The following ABCC1 variants were observed in gnomAD, a reference collection of about 807,000 sequenced individuals.
The protein encoded by ABCC1 is multidrug resistance-associated protein 1.
In ABCC1, 83 loss-of-function variants were observed where a neutral mutation model predicts 172.9. The ratio of observed to expected loss-of-function variants is 0.48; its 90% CI spans 0.40 to 0.58. ABCC1 has a LOEUF of 0.58. Among genes scored for constraint, ABCC1 ranks in the 20% least tolerant of loss-of-function variants. The pLI is 0.00. For synonymous variants in ABCC1, 937 were observed against 825.2 expected, an observed-to-expected ratio of 1.14 and a Z score of -2.32; for missense variants, 1,817 against 2,002.7, an observed-to-expected ratio of 0.91 and a Z score of 1.77.
At chr16:16,080,611 G>T (rs2050768866) in intron 16 of ABCC1, among the ~76,000 whole-genome samples, 1 of 152,148 alleles carries the variant, frequency 6.6e-6, no homozygotes, top group Non-Finnish European at 1.5e-5. Context: ...CATCTTGCAG[G>T]ACATTTGGGC....
At chr16:16,010,725 CACA>C (rs1482745867) in intron 3 of ABCC1, among the ~76,000 whole-genome samples, 3 of 152,146 alleles carry the variant, frequency 2.0e-5, no homozygotes, top group Non-Finnish European at 4.4e-5. Context: ...ATTGAATTTT[CACA>C]ACAACCCTGT....
intron 1 of ABCC1, among the ~76,000 whole-genome samples, chr16:15,966,651 C>CCT (rs1555472846): frequency 2.2e-5 from 3 of 138,654 alleles, no homozygotes; most frequent in East Asian, 4.3e-4. Flanking sequence ...TTCTCTCTCT[C>CCT]TTTTTTTTTT....
At chr16:15,992,858 C>G (rs563033912) in intron 1 of ABCC1, among the ~76,000 whole-genome samples, 1 of 152,192 alleles carries the variant, frequency 6.6e-6, no homozygotes, top group Non-Finnish European at 1.5e-5. Context: ...CCCGCCCAAT[C>G]TTGGGTCCTA....
chr16:16,054,034 G>A (rs939080764), intron 11 of ABCC1, among the ~76,000 whole-genome samples: 4 of 151,470 alleles, frequency 2.6e-5, no homozygotes, highest in Admixed American at 2.0e-4. Flanking sequence ...GAGTGCAGTC[G>A]TACGATCTTG....
At chr16:16,006,403 G>C (rs549248228) in intron 1 of ABCC1, among the ~76,000 whole-genome samples, 5 of 149,852 alleles carry the variant, frequency 3.3e-5, no homozygotes, top group African/African-American at 1.2e-4. Flanking sequence ...GGGCAACAGA[G>C]CAAGACCTCA....
intron 5 of ABCC1, among the ~76,000 whole-genome samples, chr16:16,031,213 C>A (rs1375082146): frequency 6.6e-6 from 1 of 152,158 alleles, no homozygotes; most frequent in African/African-American, 2.4e-5. Flanking sequence ...CGAGAGTATG[C>A]CACCTTATCG....
At chr16:16,117,011 G>A (rs561278341) in intron 23 of ABCC1, among the ~76,000 whole-genome samples, 43 of 152,278 alleles carry the variant, frequency 2.8e-4, no homozygotes, top group Non-Finnish European at 4.7e-4. Flanking sequence ...GATTCACACC[G>A]CGGATGGGAC....
intron 1 of ABCC1, among the ~76,000 whole-genome samples, chr16:16,002,677 TG>T (rs1035396932): frequency 5.3e-5 from 8 of 149,856 alleles, no homozygotes; most frequent in African/African-American, 2.0e-4. Context: ...GAGGCTGAGG[TG>T]GGAGGATTGC....
intron 21 of ABCC1, among the ~76,000 whole-genome samples, chr16:16,108,598 TC>T (rs2052248072): frequency 6.8e-6 from 1 of 146,038 alleles, no homozygotes. Context: ...TAATTTGTTT[TC>T]TTTTTTTTTT....
In ABCC1 at chr16:16,025,196, G is replaced by A. The variant is rs146244169; in HGVS notation, c.616-7913G>A. 1.1e-4 allele frequency among the ~76,000 whole-genome samples: 17 copies of A among 152,232 alleles called. No homozygotes were observed. In the East Asian group the frequency reaches 2.5e-3, roughly 22 times the overall value. ...TCTTACTGCTGGACATTTAGGCTCC[G>A]TCTAATAATAAGGATAACAGCTGGG... is the stretch of plus-strand genomic sequence containing the variant. On this transcript the variant is annotated intron_variant, in intron 5 of 30. Transcript: ENST00000399410.
Position 16,114,767 on chromosome 16 carries a change from G to T in ABCC1, c.3081G>T (p.Gly1027=). The change falls in exon 23 of 31, where the codon GGG becomes GGT. Residue 1027 remains glycine (G), a splice_region_variant and synonymous_variant. Transcript: ENST00000399410. The part of the protein sequence containing the change: ...SVYGALGISQ[G]IAVFGYSMAV... The stretch of plus-strand genomic sequence containing the variant: ...AGTTTTAACTCCGAGTGTCTGCAGG[G>T]ATCGCCGTGTTTGGCTACTCCATGG... 1 of 1,591,200 alleles carries T rather than the reference G, an allele frequency of 6.3e-7. No homozygotes were observed. The highest frequency in any genetic ancestry group is 1.1e-5 in the South Asian group (1 of 89,532).
Position 16,131,835 on chromosome 16 carries a change from A to G in ABCC1, c.3866A>G (p.Gln1289Arg). 1 of 1,614,160 alleles carries G rather than the reference A, an allele frequency of 6.2e-7. No homozygotes were observed. The highest frequency in any genetic ancestry group is 1.1e-5 in the South Asian group (1 of 91,078). ...QETAPPSSWP[Q>R]VGRVEFRNYC... ...ACAGCTCCGCCCAGCAGCTGGCCCC[A>G]GGTGGGCCGAGTGGAATTCCGGAAC... The change falls in exon 27 of 31, where the codon CAG (glutamine) becomes CGG (arginine). Residue 1289 changes from glutamine to arginine, a missense_variant. Coordinates refer to ENST00000399410, the MANE Select transcript of ABCC1 (RefSeq NM_004996.4).
At chr16:16,114,088 G>A (rs1201189366) in intron 22 of ABCC1, among the ~76,000 whole-genome samples, 1 of 152,182 alleles carries the variant, frequency 6.6e-6, no homozygotes, top group East Asian at 1.9e-4. Flanking sequence ...CCCTGGTCTA[G>A]AAGAATATGG....
Position 16,111,310 on chromosome 16 carries a change from GTGGGGC to G in ABCC1, c.2872-48_2872-43del, listed in dbSNP as rs4148372. On this transcript the variant is annotated intron_variant, in intron 21 of 30. Coordinates refer to ENST00000399410, the MANE Select transcript of ABCC1 (RefSeq NM_004996.4). ...CAGTGCTGGTGAAGCCCCCGACCTT[GTGGGGC>G]TGGGGCTGGGGCTGGGTGCGTGCAT... The G allele has an allele frequency of 1.9e-4, 244 of 1,285,214 alleles. 1 individual carries two copies. Among genetic ancestry groups the G allele is most frequent in the Non-Finnish European group, 2.4e-4 (213 of 890,956 alleles). 79.6% of individuals were successfully genotyped at this position (1,285,214 alleles called of 1,614,324 possible). A position where few individuals can be genotyped will look rare whatever the true frequency, so the allele number is the denominator to read the frequency against.
Position 16,129,227 on chromosome 16 carries a change from A to G in ABCC1, c.3820-2562A>G, listed in dbSNP as rs115857500. On this transcript the variant is annotated intron_variant, in intron 26 of 30. Transcript: ENST00000399410. ...GAAACCTTTTCTTTAACCATGAGGCACCTTTGCATCTGTGTATAGTAACAG... is the reference window on the plus strand; with the variant it reads ...GAAACCTTTTCTTTAACCATGAGGCGCCTTTGCATCTGTGTATAGTAACAG... Among the ~76,000 whole-genome samples, 418 of 152,200 alleles carry G rather than the reference A, an allele frequency of 2.7e-3. 3 individuals are homozygous for G. The highest frequency in any genetic ancestry group is 9.0e-3 in the African/African-American group (373 of 41,524).
At chr16:15,999,819 T>TCTCTCTCTCTCTCTCTCTC (rs2047212024) in intron 1 of ABCC1, among the ~76,000 whole-genome samples, 1 of 68,604 alleles carries the variant, frequency 1.5e-5, no homozygotes, top group African/African-American at 4.8e-5. Flanking sequence ...CCTCTCTCTC[T>TCTCTCTCTCTCTCTCTCTC]CTCTCTCTCT....
At chr16:16,126,495 T>A (rs2045444095) in intron 26 of ABCC1, among the ~76,000 whole-genome samples, 1 of 152,198 alleles carries the variant, frequency 6.6e-6, no homozygotes. Context: ...GTAATTCTCC[T>A]GCCTCAGCCT....
intron 27 of ABCC1, among the ~76,000 whole-genome samples, chr16:16,133,031 T>C (rs954902575): frequency 5.3e-5 from 8 of 152,104 alleles, no homozygotes; most frequent in African/African-American, 1.9e-4. Flanking sequence ...CTCCAAAACA[T>C]TAGAATTTGT....
intron 5 of ABCC1, among the ~76,000 whole-genome samples, chr16:16,027,610 C>T (rs1246859618): frequency 1.3e-5 from 2 of 152,018 alleles, no homozygotes; most frequent in East Asian, 3.9e-4. Context: ...CTCAGGAGTT[C>T]GAGACTAGCT....
Sources: allele counts gnomAD v4.1 joint callset (sites outside exome capture counted in the v4.1 genomes callset), GRCh38; gene constraint gnomAD v4.1.1; transcripts MANE v1.5; gene names NCBI Gene and HGNC (gene_info 2026-07-23, HGNC 2026-07-21).